The following PKNOX1 variants were observed in gnomAD, a reference collection of about 807,000 sequenced individuals.
PKNOX1 encodes the protein PBX/knotted 1 homeobox 1.
In PKNOX1, 15 loss-of-function variants were observed where a neutral mutation model predicts 51.9. The observed-to-expected ratio is 0.29, with a 90% confidence interval of 0.19 to 0.45. The LOEUF (loss-of-function observed/expected upper bound fraction) is 0.45. PKNOX1 is among the 20% of genes least tolerant of loss of function. The pLI, the probability that PKNOX1 is intolerant of heterozygous loss-of-function variation, is 1.00. For missense variants in PKNOX1, 462 were observed against 547.5 expected, an observed-to-expected ratio of 0.84 and a Z score of 1.56; for synonymous variants, 219 against 211.1, an observed-to-expected ratio of 1.04 and a Z score of -0.32.
chr21:42,993,122 G>A (rs542409962), intron 1 of PKNOX1, among the ~76,000 whole-genome samples: 1 of 152,082 alleles, frequency 6.6e-6, no homozygotes, highest in East Asian at 1.9e-4. Context: ...GAGTCACTAG[G>A]TCAGCCTGGA....
intron 1 of PKNOX1, among the ~76,000 whole-genome samples, chr21:43,000,758 C>G (rs1978716589): frequency 6.6e-6 from 1 of 152,180 alleles, no homozygotes; most frequent in African/African-American, 2.4e-5. Context: ...TGGTGTGGGC[C>G]TGTAGTTCCT....
intron 1 of PKNOX1, among the ~76,000 whole-genome samples, chr21:42,975,638 C>G (rs896713121): frequency 6.6e-6 from 1 of 152,234 alleles, no homozygotes; most frequent in Non-Finnish European, 1.5e-5. Context: ...TTAGGGCCTC[C>G]GTTCCGATGG....
chr21:43,023,355 C>A (rs1045742136), intron 8 of PKNOX1, among the ~76,000 whole-genome samples: 3 of 152,092 alleles, frequency 2.0e-5, no homozygotes, highest in African/African-American at 7.2e-5. Context: ...GCTCCGTCCC[C>A]ATGTGATGGG....
chr21:42,998,650 A>G (rs1268914176), intron 1 of PKNOX1, among the ~76,000 whole-genome samples: 3 of 152,320 alleles, frequency 2.0e-5, no homozygotes, highest in Admixed American at 1.3e-4. Context: ...GGCCAAAACA[A>G]AGAGGCTACA....
chr21:42,978,882 A>G (rs35480464), intron 1 of PKNOX1, among the ~76,000 whole-genome samples: 5,778 of 152,238 alleles, frequency 0.038, 140 homozygotes, highest in Middle Eastern at 0.061. Context: ...AGCCTCAGGC[A>G]TGATCCACTG....
intron 1 of PKNOX1, among the ~76,000 whole-genome samples, chr21:42,982,008 G>C (rs1007145936): frequency 3.9e-5 from 6 of 152,200 alleles, no homozygotes; most frequent in African/African-American, 1.2e-4. Flanking sequence ...GCCCTCCACT[G>C]TCTGTTCCAT....
intron 5 of PKNOX1, among the ~76,000 whole-genome samples, chr21:43,014,468 C>CT (rs1470440407): frequency 2.0e-5 from 3 of 151,824 alleles, no homozygotes; most frequent in African/African-American, 7.2e-5. Flanking sequence ...TTCTCATCCT[C>CT]TTAACAGGTC....
chr21:42,987,401 A>T (rs1380576392), intron 1 of PKNOX1, among the ~76,000 whole-genome samples: 38 of 97,450 alleles, frequency 3.9e-4, no homozygotes, highest in African/African-American at 1.4e-3. Context: ...AAAAAAAAAA[A>T]AAAATATATA....
At chr21:43,008,061 T>TCTCTCACACACACACA (rs59792199) in intron 3 of PKNOX1, among the ~76,000 whole-genome samples, 2,121 of 146,782 alleles carry the variant, frequency 0.014, 21 homozygotes, top group East Asian at 0.03. Context: ...CAAAACTCTG[T>TCTCTCACACACACACA]CACACACACA....
intron 1 of PKNOX1, among the ~76,000 whole-genome samples, chr21:43,002,719 C>A (rs1035357161): frequency 2.0e-5 from 3 of 151,988 alleles, no homozygotes; most frequent in Non-Finnish European, 4.4e-5. Flanking sequence ...CTTTTTCTTT[C>A]ATTTGTTTGT....
rs1329793951 is a variant in PKNOX1, at chr21:43,007,589, G to A, written c.150G>A (p.Pro50=). The A allele has an allele frequency of 3.7e-6, 6 of 1,614,046 alleles. No homozygotes were observed. The highest frequency in any genetic ancestry group is 1.1e-5 in the South Asian group (1 of 91,084). ...CTCCCCCTGTGGAGTCTCAGACCCC[G>A]ATGGATGTGGACAAGCAGGCCATTT... ...VSPPPVESQT[P]MDVDKQAIYR... The change falls in exon 3 of 11, where the codon CCG becomes CCA. Residue 50 remains proline (P), a synonymous_variant. Coordinates refer to ENST00000291547, the MANE Select transcript of PKNOX1 (RefSeq NM_004571.5).
At chr21:42,976,095 G>A (rs1378474391) in intron 1 of PKNOX1, among the ~76,000 whole-genome samples, 2 of 152,130 alleles carry the variant, frequency 1.3e-5, no homozygotes, top group South Asian at 2.1e-4. Context: ...GTACACAGGC[G>A]TACCTCAGAT....
intron 1 of PKNOX1, among the ~76,000 whole-genome samples, chr21:42,991,005 G>C (rs1461632892): frequency 1.3e-5 from 2 of 152,190 alleles, no homozygotes; most frequent in African/African-American, 2.4e-5. Context: ...CAGGAGAGAA[G>C]GGTTGGGGAA....
intron 1 of PKNOX1, among the ~76,000 whole-genome samples, chr21:43,002,876 CCGG>C (rs1205308305): frequency 6.6e-6 from 1 of 152,012 alleles, no homozygotes; most frequent in Non-Finnish European, 1.5e-5. Flanking sequence ...GCCACCATGC[CCGG>C]CTAATTTTTG....
rs544478403 is a variant in PKNOX1 at position 43,018,827 on chromosome 21, C to T, written c.720+597C>T. ...ATTGATTCTGGGCCGGGCACGGTGA[C>T]GTCTGTAATCCCAGTACTTTGGGAG... is the stretch of plus-strand genomic sequence containing the variant. On this transcript the variant is annotated intron_variant, in intron 7 of 10. Coordinates refer to ENST00000291547, the MANE Select transcript of PKNOX1 (RefSeq NM_004571.5). Among the ~76,000 whole-genome samples, 16 of 152,166 alleles carry T rather than the reference C, an allele frequency of 1.1e-4. No individual in the cohort carries two copies. In the South Asian group the frequency reaches 2.5e-3, roughly 24 times the overall value.
rs1166299515 is a variant in PKNOX1 at position 42,988,481 on chromosome 21, T to G, written c.-57+13817T>G. On this transcript the variant is annotated intron_variant, in intron 1 of 10. Coordinates refer to ENST00000291547, the MANE Select transcript of PKNOX1 (RefSeq NM_004571.5). Reference sequence around the variant, plus strand: ...ACTCTCCTTCAGCTGACTCATGCCTTGCTGTGATTGGTATACAGTATTGTC... The same window carrying G: ...ACTCTCCTTCAGCTGACTCATGCCTGGCTGTGATTGGTATACAGTATTGTC... Among the ~76,000 whole-genome samples, 5 of 152,304 alleles carry G rather than the reference T, an allele frequency of 3.3e-5. No individual in the cohort carries two copies. In the South Asian group the frequency reaches 8.3e-4, roughly 25 times the overall value.
At chr21:42,983,640 A>G (rs1361769087) in intron 1 of PKNOX1, among the ~76,000 whole-genome samples, 1 of 152,170 alleles carries the variant, frequency 6.6e-6, no homozygotes, top group Non-Finnish European at 1.5e-5. Flanking sequence ...ATTTTTTTGG[A>G]TATAGATCTA....
intron 8 of PKNOX1, 121 bp from the exon 9 acceptor site, chr21:43,024,750 G>A (rs1979919138): frequency 1.5e-6 from 1 of 657,974 alleles, no homozygotes; most frequent in Non-Finnish European, 2.7e-6. Context: ...GTTTTGGCTA[G>A]AAGCACTGTT....
chr21:42,990,526 T>C (rs1190168180), intron 1 of PKNOX1, among the ~76,000 whole-genome samples: 1 of 152,060 alleles, frequency 6.6e-6, no homozygotes, highest in Non-Finnish European at 1.5e-5. Flanking sequence ...GAAGGGGCAG[T>C]GTTATAAGTT....
Sources: allele counts gnomAD v4.1 joint callset (sites outside exome capture counted in the v4.1 genomes callset), GRCh38; gene constraint gnomAD v4.1.1; transcripts MANE v1.5; gene names NCBI Gene and HGNC (gene_info 2026-07-23, HGNC 2026-07-21).